The following PCGF3 variants were observed in gnomAD, a reference collection of about 807,000 sequenced individuals.
PCGF3 encodes the protein polycomb group RING finger protein 3.
A neutral mutation model predicts 33.1 loss-of-function variants in PCGF3; 7 were observed. The ratio of observed to expected loss-of-function variants is 0.21; its 90% CI spans 0.12 to 0.40. PCGF3 has a LOEUF of 0.40. Among genes scored for constraint, PCGF3 ranks in the 10% least tolerant of loss-of-function variants. PCGF3 has a pLI of 1.00. For synonymous variants in PCGF3, 153 were observed against 121.3 expected (o/e 1.26, Z -1.72); for missense variants, 211 against 313.3 (o/e 0.67, Z 2.46).
intron 3 of PCGF3, 175 bp downstream of exon 3, chr4:731,285 A>C (rs1743545356): frequency 7.5e-6 from 3 of 398,548 alleles, no homozygotes; most frequent in Non-Finnish European, 1.3e-5. Context: ...AGGTCCAGCC[A>C]GCTGTGGGGG....
intron 1 of PCGF3, among the ~76,000 whole-genome samples, chr4:710,647 T>C (rs1742524608): frequency 6.6e-6 from 1 of 152,220 alleles, no homozygotes; most frequent in African/African-American, 2.4e-5. Flanking sequence ...ACCGTCATGA[T>C]TGAGATATTT....
chr4:747,778 C>T (rs1376891453), intron 8 of PCGF3, among the ~76,000 whole-genome samples: 1 of 152,138 alleles, frequency 6.6e-6, no homozygotes. Context: ...CTGGGAGCAC[C>T]GAGGGAGGGC....
intron 7 of PCGF3, among the ~76,000 whole-genome samples, chr4:744,346 G>A (rs1022900445): frequency 6.6e-6 from 1 of 152,202 alleles, no homozygotes; most frequent in Non-Finnish European, 1.5e-5. Flanking sequence ...GTCCCACGCC[G>A]GCTCCGGCTG....
intron 8 of PCGF3, among the ~76,000 whole-genome samples, chr4:751,993 G>A (rs193148097): frequency 2.0e-4 from 30 of 152,380 alleles, no homozygotes; most frequent in South Asian, 2.1e-4. Flanking sequence ...TTTAGTCATC[G>A]CTGAGCAACG....
intron 8 of PCGF3, among the ~76,000 whole-genome samples, chr4:753,984 A>G (rs1386461408): frequency 6.6e-6 from 1 of 152,108 alleles, no homozygotes; most frequent in Non-Finnish European, 1.5e-5. Flanking sequence ...TGCCCAGTGG[A>G]CTTCAGGGGC....
At chr4:750,584 G>A (rs900289180) in intron 8 of PCGF3, among the ~76,000 whole-genome samples, 4 of 152,192 alleles carry the variant, frequency 2.6e-5, no homozygotes, top group Admixed American at 6.5e-5. Context: ...AGATTGCCTC[G>A]AGGTTTTTAT....
chr4:755,116 A>G (rs1376553486), intron 8 of PCGF3, among the ~76,000 whole-genome samples: 1 of 152,226 alleles, frequency 6.6e-6, no homozygotes, highest in Non-Finnish European at 1.5e-5. Context: ...TGCTGTGTGC[A>G]CACAGGCCCG....
exon 11 of PCGF3, chr4:766,711 C>G (rs1032908215): frequency 3.3e-5 from 5 of 152,164 alleles, no homozygotes; most frequent in Non-Finnish European, 5.9e-5. Context: ...TGTGTGAGGT[C>G]GGCACTTGGA....
intron 4 of PCGF3, chr4:734,103 C>T: frequency 1.3e-6 from 2 of 1,550,704 alleles, no homozygotes; most frequent in Non-Finnish European, 1.7e-6. Flanking sequence ...TTCCAAATCT[C>T]CAGAGGAGTT....
chr4:758,275 C>G (rs988343406), intron 8 of PCGF3, among the ~76,000 whole-genome samples: 3 of 152,046 alleles, frequency 2.0e-5, no homozygotes, highest in Admixed American at 2.0e-4. Context: ...TTTCTCCCTG[C>G]TTCTCACTTC....
chr4:761,087 C>T (rs1745029079), intron 8 of PCGF3, among the ~76,000 whole-genome samples, 192 bp from the exon 9 acceptor site: 1 of 152,244 alleles, frequency 6.6e-6, no homozygotes, highest in Non-Finnish European at 1.5e-5. Context: ...AAATGGCAAG[C>T]AGACGATAAA....
chr4:728,866 G>A (rs1049880055), intron 1 of PCGF3, among the ~76,000 whole-genome samples: 6 of 152,124 alleles, frequency 3.9e-5, no homozygotes, highest in African/African-American at 1.2e-4. Context: ...CTGGGAGGCC[G>A]AGGTGGGTGA....
At chr4:716,651 C>G (rs1742861302) in intron 1 of PCGF3, among the ~76,000 whole-genome samples, 2 of 126,184 alleles carry the variant, frequency 1.6e-5, no homozygotes, top group Non-Finnish European at 1.6e-5. Context: ...AGTGTGAGAA[C>G]TGGGTGTCGG....
chr4:758,270 C>T (rs367761464), intron 8 of PCGF3, among the ~76,000 whole-genome samples: 2 of 152,086 alleles, frequency 1.3e-5, no homozygotes, highest in Non-Finnish European at 2.9e-5. Context: ...CCCCCTTTCT[C>T]CCTGCTTCTC....
intron 1 of PCGF3, among the ~76,000 whole-genome samples, chr4:723,196 G>A (rs888185329): frequency 6.6e-6 from 1 of 152,262 alleles, no homozygotes; most frequent in Non-Finnish European, 1.5e-5. Context: ...GCGGGGATGT[G>A]TCTGAAAAGT....
intron 10 of PCGF3, among the ~76,000 whole-genome samples, chr4:765,734 A>C (rs1160850929): frequency 1.3e-5 from 2 of 151,954 alleles, no homozygotes; most frequent in Non-Finnish European, 2.9e-5. Context: ...GGTTTGAGGG[A>C]GAAGGGGGCA....
rs989181523 is a variant in PCGF3 at position 729,604 on chromosome 4, C to G, written c.-189-1026C>G. 1.5e-4 allele frequency among the ~76,000 whole-genome samples: 23 copies of G among 152,218 alleles called. 1 individual carries two copies. Among genetic ancestry groups the G allele is most frequent in the Admixed American group, 5.9e-4 (9 of 15,296 alleles). The stretch of plus-strand genomic sequence containing the variant: ...TGGCTTCATTCTCTTCATCTTGTTT[C>G]TCTTCTCCCTAACTCAAGTGCCTCA... On this transcript the variant is annotated intron_variant, in intron 1 of 10. Transcript: ENST00000362003.
chr4:733,997 C>T, intron 4 of PCGF3: 1 of 1,551,100 alleles, frequency 6.4e-7, no homozygotes, highest in Non-Finnish European at 8.7e-7. Flanking sequence ...GCAGATGAGG[C>T]CTCGCTTAGG....
intron 8 of PCGF3, among the ~76,000 whole-genome samples, chr4:748,095 C>T (rs935414281): frequency 1.3e-5 from 2 of 152,152 alleles, no homozygotes; most frequent in African/African-American, 4.8e-5. Context: ...CGTCGAGGGC[C>T]TCTTCGTGTG....
Sources: allele counts gnomAD v4.1 joint callset (sites outside exome capture counted in the v4.1 genomes callset), GRCh38; gene constraint gnomAD v4.1.1; transcripts MANE v1.5; gene names NCBI Gene and HGNC (gene_info 2026-07-23, HGNC 2026-07-21).